The following MERTK variants were observed in gnomAD, a reference collection of about 807,000 sequenced individuals.
MERTK encodes the protein MER proto-oncogene, tyrosine kinase, also known as tyrosine-protein kinase Mer.
A neutral mutation model predicts 99.3 loss-of-function variants in MERTK; 69 were observed. The observed-to-expected ratio is 0.70, with a 90% CI of 0.57 to 0.85. MERTK has a LOEUF of 0.85. MERTK is among the 40% of genes least tolerant of loss of function. The pLI is 0.00. For synonymous variants in MERTK, 426 were observed against 467.6 expected (o/e 0.91, Z 1.15); for missense variants, 1,125 against 1,249.4 (o/e 0.90, Z 1.50).
At chr2:111,915,073 T>C (rs1249690715) in intron 1 of MERTK, among the ~76,000 whole-genome samples, 1 of 152,228 alleles carries the variant, frequency 6.6e-6, no homozygotes, top group African/African-American at 2.4e-5. Flanking sequence ...CCTTAATAGT[T>C]ATAGCCTGAT....
rs978833430 is a variant in MERTK at position 112,003,902 on chromosome 2, A to T, written c.1787-2A>T. On this transcript the variant is annotated splice_acceptor_variant, in intron 12 of 18. Transcript: ENST00000295408. LOFTEE classifies it high-confidence loss of function. ...CCATACAGGTGTTCTTTCACTTCAC[A>T]GGAGAGTTTGGGTCTGTAATGGAAG... 1.2e-6 allele frequency: 2 copies of T among 1,612,022 alleles called. No homozygotes were observed. The highest frequency in any genetic ancestry group is 2.7e-5 in the African/African-American group (2 of 74,888).
Position 111,898,721 on chromosome 2 carries a change from AT to A in MERTK, c.-14del. 3 of 1,604,994 alleles carry A rather than the reference AT, an allele frequency of 1.9e-6. No homozygotes were observed. Among genetic ancestry groups the A allele is most frequent in the South Asian group, 1.1e-5 (1 of 89,664 alleles). On this transcript the variant is annotated 5_prime_UTR_variant, in exon 1 of 19. Transcript: ENST00000295408. ...CCATCCGTCCGGAGAGAAATTACAG[AT>A]CCGCAGCCCCGGGATGGGGCCGGCC...
At chr2:111,914,101 CTTT>C (rs765850254) in intron 1 of MERTK, among the ~76,000 whole-genome samples, 6 of 94,442 alleles carry the variant, frequency 6.4e-5, no homozygotes, top group Non-Finnish European at 1.2e-4. Context: ...TTCTTTCTTT[CTTT>C]TTTTTTTTTT....
At position 111,916,078 on chromosome 2, in the gene MERTK, T is replaced by C. The variant is rs191328052; in HGVS notation, c.62-13042T>C. 5.4e-4 allele frequency among the ~76,000 whole-genome samples: 82 copies of C among 152,330 alleles called. 1 individual carries two copies. In the East Asian group the frequency reaches 0.016, roughly 29 times the overall value. On this transcript the variant is annotated intron_variant, in intron 1 of 18. Transcript: ENST00000295408. ...CTTCGAAAGAATGTGTATTCTATTG[T>C]TGGGAAGAGTGTTCTATAAATATAG...
intron 1 of MERTK, among the ~76,000 whole-genome samples, chr2:111,911,435 C>T (rs990573636): frequency 2.0e-5 from 3 of 152,018 alleles, no homozygotes; most frequent in African/African-American, 7.3e-5. Context: ...GTTGCCCAGG[C>T]TGGAGTGCAA....
intron 4 of MERTK, among the ~76,000 whole-genome samples, chr2:111,958,386 G>C (rs1028742253): frequency 2.0e-4 from 31 of 152,284 alleles, no homozygotes; most frequent in African/African-American, 7.2e-4. Flanking sequence ...GCTTATAAAC[G>C]AGTGTCTAGT....
chr2:111,925,859 G>A (rs1342845577), intron 1 of MERTK, among the ~76,000 whole-genome samples: 4 of 149,404 alleles, frequency 2.7e-5, no homozygotes, highest in Admixed American at 6.7e-5. Context: ...CTGAGACAGA[G>A]TCTCGCTCTG....
At chr2:111,950,550 T>G (rs2104707327) in intron 4 of MERTK, among the ~76,000 whole-genome samples, 1 of 152,374 alleles carries the variant, frequency 6.6e-6, no homozygotes, top group East Asian at 1.9e-4. Context: ...ATCGATATGT[T>G]TACCAACATT....
Position 111,944,942 on chromosome 2 carries a change from A to T in MERTK, c.483-18A>T, listed in dbSNP as rs200935488. 3.7e-5 allele frequency: 59 copies of T among 1,602,516 alleles called. No individual in the cohort carries two copies. Among genetic ancestry groups the T allele is most frequent in the Non-Finnish European group, 4.6e-5 (54 of 1,170,670 alleles). On this transcript the variant is annotated intron_variant, in intron 2 of 18. Coordinates refer to ENST00000295408, the MANE Select transcript of MERTK (RefSeq NM_006343.3). ...AAGGGTAGTCACTGTAAATATCTTC[A>T]TGTGTTTTTCTTTGCAGCATAACCA... is the stretch of plus-strand genomic sequence containing the variant.
intron 13 of MERTK, 131 bp from the exon 14 acceptor site, chr2:112,008,252 C>T (rs1383530106): frequency 2.8e-6 from 2 of 725,028 alleles, no homozygotes; most frequent in East Asian, 2.7e-5. Flanking sequence ...GACAACCACT[C>T]ATCTGTTTCC....
chr2:112,006,244 C>T (rs952670955), intron 13 of MERTK, among the ~76,000 whole-genome samples: 1 of 151,626 alleles, frequency 6.6e-6, no homozygotes, highest in Non-Finnish European at 1.5e-5. Flanking sequence ...TCACATGAAC[C>T]GGTACTTTTT....
chr2:112,012,891 G>A (rs953680661), intron 15 of MERTK, among the ~76,000 whole-genome samples: 5 of 152,110 alleles, frequency 3.3e-5, no homozygotes, highest in Admixed American at 6.6e-5. Flanking sequence ...TTAAAATTTG[G>A]GAAAGCTGAA....
At chr2:111,934,411 C>A (rs1684728056) in intron 2 of MERTK, among the ~76,000 whole-genome samples, 1 of 152,270 alleles carries the variant, frequency 6.6e-6, no homozygotes, top group Admixed American at 6.5e-5. Context: ...TAATGATTGC[C>A]ATTTAAACTG....
At chr2:111,969,521 C>G (rs1197999636) in intron 6 of MERTK, among the ~76,000 whole-genome samples, 2 of 152,136 alleles carry the variant, frequency 1.3e-5, no homozygotes, top group Non-Finnish European at 2.9e-5. Flanking sequence ...GCCAACACAG[C>G]TCAAAGAATT....
At chr2:111,959,016 G>A (rs1474027) in intron 4 of MERTK, among the ~76,000 whole-genome samples, 150,989 of 151,606 alleles carry the variant, frequency 1, 75,195 homozygotes, top group Middle Eastern at 1. Context: ...TATAAAAAAG[G>A]TAAGTTAGTA....
chr2:112,021,550 C>A lies in MERTK; in HGVS notation c.2318C>A (p.Ala773Glu), dbSNP rs1558810870. ...AAATGGATCGCCATAGAAAGTCTTG[C>A]AGACCGAGTCTACACAAGTAAAAGT... Reference protein sequence around the residue: ...PVKWIAIESLADRVYTSKSDV... With the variant: ...PVKWIAIESLEDRVYTSKSDV... The change falls in exon 17 of 19, where the codon GCA becomes GAA. Residue 773 changes from alanine to glutamate, a missense_variant. Transcript: ENST00000295408. 1.9e-5 allele frequency: 31 copies of A among 1,608,558 alleles called. No homozygotes were observed. The highest frequency in any genetic ancestry group is 2.6e-5 in the Non-Finnish European group (31 of 1,177,260).
intron 8 of MERTK, among the ~76,000 whole-genome samples, chr2:111,986,312 G>T (rs997077095): frequency 6.6e-6 from 1 of 152,216 alleles, no homozygotes; most frequent in African/African-American, 2.4e-5. Context: ...TGGCTGAGTT[G>T]CAGGAATCAA....
chr2:111,998,702 C>T (rs1237533380), intron 10 of MERTK, among the ~76,000 whole-genome samples: 1 of 152,296 alleles, frequency 6.6e-6, no homozygotes, highest in East Asian at 1.9e-4. Context: ...AAGAGCATTA[C>T]AGCCAGAAGG....
In MERTK at chr2:111,898,611, G is replaced by C. The variant is rs866712178; in HGVS notation, c.-125G>C. 2.6e-6 allele frequency: 3 copies of C among 1,154,832 alleles called. No homozygotes were observed. The highest frequency in any genetic ancestry group is 2.7e-5 in the South Asian group (2 of 74,264). The allele number at this position is 1,154,832 out of a possible 1,614,324, so 71.5% of individuals were successfully genotyped here. Reference sequence around the variant, plus strand: ...CGCCGGCCGCTTGGCTCCGCCACTCGGCACTCACTGCCCGGGCCGCCCGGA... The same window carrying C: ...CGCCGGCCGCTTGGCTCCGCCACTCCGCACTCACTGCCCGGGCCGCCCGGA... On this transcript the variant is annotated 5_prime_UTR_variant, in exon 1 of 19. Transcript: ENST00000295408.
Sources: allele counts gnomAD v4.1 joint callset (sites outside exome capture counted in the v4.1 genomes callset), GRCh38; gene constraint gnomAD v4.1.1; transcripts MANE v1.5; gene names NCBI Gene and HGNC (gene_info 2026-07-23, HGNC 2026-07-21).